The following SLC23A2 variants were observed in gnomAD, a reference collection of about 807,000 sequenced individuals.
SLC23A2 encodes the protein solute carrier family 23 member 2, also known as Na(+)/L-ascorbic acid transporter 2.
Under a neutral mutation model 73.3 loss-of-function variants are expected in SLC23A2, and 36 were observed. The ratio of observed to expected loss-of-function variants is 0.49; its 90% CI spans 0.38 to 0.65. The LOEUF is 0.65. Among genes scored for constraint, SLC23A2 ranks in the 30% least tolerant of loss-of-function variants. The probability of loss-of-function intolerance (pLI) is 0.00; values close to 1 mark genes in which losing one functional copy is unlikely to be tolerated. For synonymous variants in SLC23A2, 343 were observed against 327.3 expected (o/e 1.05, Z -0.52); for missense variants, 507 against 841.6 (o/e 0.60, Z 4.92).
intron 13 of SLC23A2, among the ~76,000 whole-genome samples, chr20:4,866,232 A>T (rs898714562): frequency 6.6e-6 from 1 of 152,234 alleles, no homozygotes; most frequent in African/African-American, 2.4e-5. Context: ...TTGTTCAGAG[A>T]ATAATGACAA....
chr20:4,915,335 T>C (rs1426710065), intron 3 of SLC23A2, among the ~76,000 whole-genome samples: 1 of 152,216 alleles, frequency 6.6e-6, no homozygotes, highest in Non-Finnish European at 1.5e-5. Context: ...TATACTGCTT[T>C]TTTAAAAATG....
At chr20:5,009,644 A>C (rs568560003) in intron 1 of SLC23A2, among the ~76,000 whole-genome samples, 1 of 152,144 alleles carries the variant, frequency 6.6e-6, no homozygotes, top group Non-Finnish European at 1.5e-5. Context: ...CAATGACTTT[A>C]CTTGTTCCAC....
At chr20:4,903,188 T>C (rs1337095502) in intron 4 of SLC23A2, among the ~76,000 whole-genome samples, 1 of 152,220 alleles carries the variant, frequency 6.6e-6, no homozygotes, top group African/African-American at 2.4e-5. Flanking sequence ...TTTCTTCTTT[T>C]TCTCCTAACA....
chr20:4,941,946 G>A (rs1168142930), intron 2 of SLC23A2, among the ~76,000 whole-genome samples: 1 of 152,082 alleles, frequency 6.6e-6, no homozygotes, highest in African/African-American at 2.4e-5. Context: ...TAACCAAAAT[G>A]TTGAGTGATA....
At chr20:4,887,626 G>A (rs556331011) in intron 6 of SLC23A2, among the ~76,000 whole-genome samples, 1 of 152,280 alleles carries the variant, frequency 6.6e-6, no homozygotes, top group Admixed American at 6.5e-5. Flanking sequence ...GGCTTAACTA[G>A]GACTAAAGGT....
At chr20:5,002,126 C>T (rs2254964), upstream of SLC23A2, among the ~76,000 whole-genome samples, 2 of 151,974 alleles carry the variant, frequency 1.3e-5, no homozygotes, top group Non-Finnish European at 2.9e-5. Context: ...CTAAATTGTC[C>T]CCAGGTGATG....
chr20:4,986,649 TACACACACACACACAC>T (rs55738084), intron 1 of SLC23A2, among the ~76,000 whole-genome samples: 47 of 129,732 alleles, frequency 3.6e-4, no homozygotes, highest in African/African-American at 1.2e-3. Context: ...CATACACACA[TACACACACACACACAC>T]ACACACACAC....
At position 4,863,020 on chromosome 20, in the gene SLC23A2, C is replaced by G; in HGVS notation, c.1357-113G>C. 9.7e-7 allele frequency: 1 copy of G among 1,035,422 alleles called. No homozygotes were observed. Among genetic ancestry groups the G allele is most frequent in the Admixed American group, 2.3e-5 (1 of 44,210 alleles). The allele number at this position is 1,035,422 out of a possible 1,614,324, so 64.1% of individuals were successfully genotyped here. A position where few individuals can be genotyped will look rare whatever the true frequency, so the allele number is the denominator to read the frequency against. Reference sequence around the variant, plus strand: ...CCATGGCCTGGCTCGCTACCTTCACCTCCTCCTCAGCCCACTCTTCTCACC... The same window carrying G: ...CCATGGCCTGGCTCGCTACCTTCACGTCCTCCTCAGCCCACTCTTCTCACC... On this transcript the variant is annotated intron_variant, in intron 13 of 16. Coordinates refer to ENST00000338244, the MANE Select transcript of SLC23A2 (RefSeq NM_005116.6). This position sits in a 1 kb window ranked among gnomAD's most constrained non-coding sequence, Gnocchi z 4.8.
chr20:4,996,685 CAAAAAAAAAAAA>C (rs1555809857), intron 1 of SLC23A2, among the ~76,000 whole-genome samples: 2 of 54,772 alleles, frequency 3.7e-5, no homozygotes, highest in Admixed American at 2.2e-4. Flanking sequence ...GATTCCATCT[CAAAAAAAAAAAA>C]AAAAAAAAAA....
At chr20:4,882,156 C>T (rs1930911318) in intron 9 of SLC23A2, among the ~76,000 whole-genome samples, 1 of 151,388 alleles carries the variant, frequency 6.6e-6, no homozygotes, top group African/African-American at 2.4e-5. Context: ...GTGGGCAGAT[C>T]ACCTGAAGTC....
Position 4,897,382 on chromosome 20 carries a change from TG to T in SLC23A2, c.482+2172del, listed in dbSNP as rs1478994722. On this transcript the variant is annotated intron_variant, in intron 6 of 16. Coordinates refer to ENST00000338244, the MANE Select transcript of SLC23A2 (RefSeq NM_005116.6). Reference sequence around the variant, plus strand: ...ACTGTGGGGAGGATGGAAGCAGGGGTGGGGCTGCCATTCCTTGCACAGCCAA... The same window carrying T: ...ACTGTGGGGAGGATGGAAGCAGGGGTGGGCTGCCATTCCTTGCACAGCCAA... 2.6e-5 allele frequency among the ~76,000 whole-genome samples: 4 copies of T among 152,026 alleles called. No individual in the cohort carries two copies. In the East Asian group the frequency reaches 7.7e-4, roughly 29 times the overall value.
At chr20:4,893,710 C>A (rs1236499148) in intron 6 of SLC23A2, among the ~76,000 whole-genome samples, 1 of 152,198 alleles carries the variant, frequency 6.6e-6, no homozygotes, top group Non-Finnish European at 1.5e-5. Context: ...CTCTCTTGGC[C>A]AAACCCTACC....
chr20:4,975,525 C>T (rs1312128440), intron 1 of SLC23A2, among the ~76,000 whole-genome samples: 1 of 151,758 alleles, frequency 6.6e-6, no homozygotes, highest in Non-Finnish European at 1.5e-5. Flanking sequence ...GGATTACGTG[C>T]ACGCACCACC....
intron 10 of SLC23A2, 110 bp from the exon 11 acceptor site, chr20:4,874,202 G>C (rs1476641686): frequency 1.0e-6 from 1 of 972,460 alleles, no homozygotes; most frequent in Non-Finnish European, 1.5e-6. Context: ...ACCACAGTCA[G>C]TACTTTGCAG....
intron 6 of SLC23A2, among the ~76,000 whole-genome samples, chr20:4,893,226 G>A (rs1219577745): frequency 1.3e-5 from 2 of 151,896 alleles, no homozygotes; most frequent in African/African-American, 4.8e-5. Context: ...ACCACACCCA[G>A]CTAATTATTT....
chr20:4,892,516 A>T (rs1055310252), intron 6 of SLC23A2, among the ~76,000 whole-genome samples: 5 of 152,160 alleles, frequency 3.3e-5, no homozygotes, highest in African/African-American at 1.2e-4. Context: ...ATGATTTTAA[A>T]TTCCTTTTTA....
intron 2 of SLC23A2, among the ~76,000 whole-genome samples, chr20:4,941,103 C>T (rs1405287218): frequency 6.6e-6 from 1 of 151,986 alleles, no homozygotes; most frequent in African/African-American, 2.4e-5. Context: ...TTGCAGTAAG[C>T]CGAGATTGCA....
At chr20:5,003,000 G>T (rs1005083838), upstream of SLC23A2, among the ~76,000 whole-genome samples, 1 of 152,078 alleles carries the variant, frequency 6.6e-6, no homozygotes, top group Admixed American at 6.6e-5. Context: ...ATCCCTACTG[G>T]GATTCAGTAA....
chr20:4,916,061 C>T (rs1932311394), intron 3 of SLC23A2, among the ~76,000 whole-genome samples: 1 of 152,196 alleles, frequency 6.6e-6, no homozygotes, highest in African/African-American at 2.4e-5. Context: ...TAAAGACCTG[C>T]TTTTAAAATT....
Sources: allele counts gnomAD v4.1 joint callset (sites outside exome capture counted in the v4.1 genomes callset), GRCh38; gene constraint gnomAD v4.1.1; non-coding constraint Gnocchi (gnomAD v3.1); transcripts MANE v1.5; gene names NCBI Gene and HGNC (gene_info 2026-07-23, HGNC 2026-07-21).